Variants in SEC16B observed in about 807,000 individuals in gnomAD.
SEC16B encodes the protein protein transport protein Sec16B.
SEC16B carries 115 observed loss-of-function variants against 141.8 expected under a neutral mutation model. The observed-to-expected ratio is 0.81, with a 90% CI of 0.70 to 0.95. The LOEUF (loss-of-function observed/expected upper bound fraction) is 0.95. Ranked by LOEUF, SEC16B falls within the 40% of genes least tolerant of loss-of-function variation. The pLI, the probability that SEC16B is intolerant of heterozygous loss-of-function variation, is 0.00. For missense variants in SEC16B, 1,291 were observed against 1,312.3 expected, an observed-to-expected ratio of 0.98 and a Z score of 0.25; for synonymous variants, 493 against 492.5, an observed-to-expected ratio of 1.00 and a Z score of -0.01.
chr1:177,965,933 A>T lies in SEC16B; in HGVS notation c.372T>A (p.Tyr124Ter). The T allele has an allele frequency of 6.3e-7, 1 of 1,599,018 alleles. No individual in the cohort carries two copies. Among genetic ancestry groups the T allele is most frequent in the Non-Finnish European group, 8.5e-7 (1 of 1,171,966 alleles). ...GCCACTGTGGGTGTCCATGATAGTA[A>T]TAACTTCCATAAGCATATTCCTCCC... ...TMREEYAYGS[Y>*]YYHGHPQWLQ... The change falls in exon 3 of 26, where the codon TAT (tyrosine) becomes TAA (stop). Residue 124 changes from tyrosine to a stop codon, truncating the protein, a stop_gained. Transcript: ENST00000308284. LOFTEE classifies it high-confidence loss of function.
At chr1:177,932,903 G>A in intron 22 of SEC16B, 97 bp from the exon 23 acceptor site, 1 of 1,188,344 alleles carries the variant, frequency 8.4e-7, no homozygotes, top group Non-Finnish European at 1.2e-6. Context: ...TGGCGGCCTT[G>A]CCACAAACTG....
chr1:177,931,882 T>C (rs1650440400), intron 24 of SEC16B, among the ~76,000 whole-genome samples: 2 of 152,116 alleles, frequency 1.3e-5, no homozygotes, highest in Admixed American at 6.5e-5. Flanking sequence ...GTCACAGCCC[T>C]GGCCAAGGTC....
intron 1 of SEC16B, among the ~76,000 whole-genome samples, chr1:177,976,798 G>T (rs1487386616): frequency 6.6e-6 from 1 of 152,168 alleles, no homozygotes; most frequent in African/African-American, 2.4e-5. Context: ...ATTCATCACT[G>T]CTGTGAAATC....
At chr1:177,934,101 G>T (rs192765199) in intron 20 of SEC16B, among the ~76,000 whole-genome samples, 7 of 151,744 alleles carry the variant, frequency 4.6e-5, no homozygotes. Flanking sequence ...TGCACCAAAG[G>T]GGGGTAAAAT....
chr1:177,951,447 G>T (rs1652186084), intron 12 of SEC16B, among the ~76,000 whole-genome samples: 1 of 152,216 alleles, frequency 6.6e-6, no homozygotes, highest in Non-Finnish European at 1.5e-5. Context: ...TTGAAATCGA[G>T]TATGTCCAGC....
Position 177,929,664 on chromosome 1 carries a change from C to T in SEC16B, c.*194G>A, listed in dbSNP as rs623479. ...TGAAATAATTTCCATCATTGTGAAG[C>T]TAATCTTAAGAGACTGAATTGTGCT... is the stretch of plus-strand genomic sequence containing the variant. On this transcript the variant is annotated 3_prime_UTR_variant, in exon 26 of 26. Coordinates refer to ENST00000308284, the MANE Select transcript of SEC16B (RefSeq NM_033127.4). The T allele has an allele frequency of 0.56, 335,954 of 595,010 alleles. 97,020 individuals carry two copies. The highest frequency in any genetic ancestry group is 0.82 in the East Asian group (28,758 of 35,198). 36.9% of individuals were successfully genotyped at this position (595,010 alleles called of 1,614,324 possible).
In SEC16B at chr1:177,951,910, G is replaced by C. The variant is rs760441048; in HGVS notation, c.1545+4C>G. ...GTGATAAAGGAATCCTGTCATAGGG[G>C]TACCGTGGCTGCCTGTGGAATCCTC... On this transcript the variant is annotated splice_donor_region_variant and intron_variant, in intron 12 of 25. Coordinates refer to ENST00000308284, the MANE Select transcript of SEC16B (RefSeq NM_033127.4). 7 of 1,597,372 alleles carry C rather than the reference G, an allele frequency of 4.4e-6. No individual in the cohort carries two copies. In the Admixed American group the frequency reaches 1.0e-4, roughly 24 times the overall value.
At chr1:177,970,077 A>G (rs1209770746), upstream of SEC16B, 1 of 152,356 alleles carries the variant, frequency 6.6e-6, no homozygotes, top group Non-Finnish European at 1.5e-5. Context: ...AGGGCAAAGT[A>G]CAGCCCAGAT....
At chr1:177,983,610 G>A (rs1654512163) in intron 1 of SEC16B, among the ~76,000 whole-genome samples, 1 of 152,022 alleles carries the variant, frequency 6.6e-6, no homozygotes, top group Non-Finnish European at 1.5e-5. Flanking sequence ...TTCCAGGGTG[G>A]AAGCCTTGGG....
rs1651211955 is a variant in SEC16B, at chr1:177,940,670, T to G, written c.2067A>C (p.Arg689Ser). ...LKLSDPLVLE[R>S]RSGDRDLEPD... ...GCTCCAGGTCCCTGTCTCCACTGCG[T>G]CTTTCTAAAACCAGAGGATCTGACA... is the stretch of plus-strand genomic sequence containing the variant. Residue 689 changes from arginine (R) to serine (S), a missense_variant, in exon 17 of 26, where the codon AGA becomes AGC. Coordinates refer to ENST00000308284, the MANE Select transcript of SEC16B (RefSeq NM_033127.4). The G allele has an allele frequency of 3.1e-6, 5 of 1,613,924 alleles. No individual in the cohort carries two copies. In the Admixed American group the frequency reaches 5.0e-5, roughly 16 times the overall value.
At chr1:177,944,159 G>A (rs1445568700) in intron 15 of SEC16B, among the ~76,000 whole-genome samples, 8 of 152,216 alleles carry the variant, frequency 5.3e-5, no homozygotes, top group Non-Finnish European at 1.0e-4. Context: ...GGAGCAGAGG[G>A]AGGGTGAGCA....
Position 177,929,503 on chromosome 1 carries a change from G to A in SEC16B, c.*355C>T. 1 of 287,248 alleles carries A rather than the reference G, an allele frequency of 3.5e-6. No individual in the cohort carries two copies. Among genetic ancestry groups the A allele is most frequent in the Non-Finnish European group, 6.7e-6 (1 of 149,458 alleles). The allele number at this position is 287,248 out of a possible 1,614,324, so 17.8% of individuals were successfully genotyped here. The stretch of plus-strand genomic sequence containing the variant: ...CCTGCTTCCCATTTCTTGCTACAGG[G>A]CCCTGCGGTATCATCTTTGATTCTA... On this transcript the variant is annotated 3_prime_UTR_variant, in exon 26 of 26. Coordinates refer to ENST00000308284, the MANE Select transcript of SEC16B (RefSeq NM_033127.4).
chr1:177,932,754 G>A lies in SEC16B; in HGVS notation c.2876C>T (p.Thr959Ile). 6.2e-7 allele frequency: 1 copy of A among 1,612,134 alleles called. No homozygotes were observed. The highest frequency in any genetic ancestry group is 1.1e-5 in the South Asian group (1 of 90,576). ...CAGAGGTGGGGACTCAGGGGAAGGT[G>A]TCAGTGAGAGGCCCAGGCCAGCCTG... ...PHQAGLGLSL[T>I]PSPESPPLPD... The change falls in exon 23 of 26, where the codon ACA (threonine) becomes ATA (isoleucine). Residue 959 changes from threonine to isoleucine, a missense_variant. By Grantham distance (89) the Thr-to-Ile change is moderately conservative. Around this residue, in one of 3 missense-constraint regions of SEC16B, gnomAD observed 605 missense variants for 614.1 expected, o/e 0.99. Transcript: ENST00000308284.
At chr1:177,978,063 T>C (rs538344053) in intron 1 of SEC16B, among the ~76,000 whole-genome samples, 3 of 152,310 alleles carry the variant, frequency 2.0e-5, no homozygotes, top group Non-Finnish European at 4.4e-5. Flanking sequence ...CTAAACTATA[T>C]ACAAAGCTCA....
At chr1:177,943,722 T>C (rs978257685) in intron 15 of SEC16B, among the ~76,000 whole-genome samples, 2 of 152,244 alleles carry the variant, frequency 1.3e-5, no homozygotes, top group Non-Finnish European at 2.9e-5. Flanking sequence ...AGCCACACTG[T>C]GCCTGCCATG....
Position 177,932,698 on chromosome 1 carries a change from C to T in SEC16B, c.2932G>A (p.Gly978Ser). 1.3e-6 allele frequency: 2 copies of T among 1,582,662 alleles called. No individual in the cohort carries two copies. Among genetic ancestry groups the T allele is most frequent in the Non-Finnish European group, 1.7e-6 (2 of 1,165,398 alleles). ...PDVSAFSRGRGGGEGRGSASS... is the reference protein window; with the variant it reads ...PDVSAFSRGRSGGEGRGSASS... ...CCCAGAGGACGTGAGGTGACGGTAC[C>T]TCTGCCCCTGGAGAAGGCACTAACA... The change falls in exon 23 of 26, where the codon GGT becomes AGT. Residue 978 changes from glycine (G) to serine (S), a missense_variant and splice_region_variant. Physicochemically the swap from Gly to Ser is moderately conservative, Grantham distance 56. Transcript: ENST00000308284.
At chr1:177,934,392 A>C (rs775098497) in intron 20 of SEC16B, among the ~76,000 whole-genome samples, 4 of 152,202 alleles carry the variant, frequency 2.6e-5, no homozygotes, top group Non-Finnish European at 4.4e-5. Context: ...GTCATATGAC[A>C]TATTGCCCTC....
intron 1 of SEC16B, among the ~76,000 whole-genome samples, chr1:177,975,359 C>T (rs1654131218): frequency 6.6e-6 from 1 of 152,168 alleles, no homozygotes; most frequent in African/African-American, 2.4e-5. Flanking sequence ...ACAGCTTATA[C>T]TGTATGACTG....
At chr1:177,964,462 G>A in intron 4 of SEC16B, among the ~76,000 whole-genome samples, 183 bp from the exon 5 acceptor site, 1 of 152,238 alleles carries the variant, frequency 6.6e-6, no homozygotes, top group East Asian at 1.9e-4. Flanking sequence ...AAAAACAGGA[G>A]TGCTGGAGTT....
Sources: gnomAD v4.1 joint callset for allele counts (sites outside exome capture counted in the v4.1 genomes callset) on GRCh38, gnomAD v4.1.1 for gene constraint, gnomAD v4.1.1 regional missense constraint, MANE v1.5 for transcripts, NCBI Gene and HGNC (gene_info 2026-07-23, HGNC 2026-07-21) for gene names.